Variants in KCNV2 observed in about 807,000 individuals in gnomAD.
KCNV2 encodes potassium voltage-gated channel modifier subfamily V member 2.
Under a neutral mutation model 37.0 loss-of-function variants are expected in KCNV2, and 65 were observed. That is an observed-to-expected ratio of 1.76 (90% CI 1.44 to 2.16). The LOEUF is 2.16. Among genes scored for constraint, KCNV2 ranks in the 30% most tolerant of loss-of-function variants. KCNV2 has a pLI of 0.00. For synonymous variants in KCNV2, 518 were observed against 328.6 expected, an observed-to-expected ratio of 1.58 and a Z score of -6.23; for missense variants, 1,232 against 766.7, an observed-to-expected ratio of 1.61 and a Z score of -7.17.
At chr9:2,721,972 T>C (rs1035202459) in intron 1 of KCNV2, among the ~76,000 whole-genome samples, 1 of 151,398 alleles carries the variant, frequency 6.6e-6, no homozygotes, top group Non-Finnish European at 1.5e-5. Context: ...TCATGCATCT[T>C]ATTTTTAAAA....
chr9:2,718,402 CGCGCAG>C lies in KCNV2; in HGVS notation c.671_676del (p.Ala224_Gln225del), dbSNP rs759818370. 1.2e-6 allele frequency: 2 copies of C among 1,602,214 alleles called. No individual in the cohort carries two copies. Among genetic ancestry groups the C allele is most frequent in the African/African-American group, 2.7e-5 (2 of 74,844 alleles). On this transcript the variant is annotated inframe_deletion, in exon 1 of 2. Transcript: ENST00000382082. ...GGCTCAAGATCCAGCACGAGCTGCGCGCGCAGGCGCAGGTCGAGGAGGCGGAGGAAC... is the reference window on the plus strand; with the variant it reads ...GGCTCAAGATCCAGCACGAGCTGCGCGCGCAGGTCGAGGAGGCGGAGGAAC...
Position 2,729,949 on chromosome 9 carries a change from T to A in KCNV2, c.*222T>A, listed in dbSNP as rs1247855091. On this transcript the variant is annotated 3_prime_UTR_variant, in exon 2 of 2. Transcript: ENST00000382082. ...GAAACATCTGACCTTCTCAATGACG[T>A]TGATATTGAAAACCTGAGGGGAGCA... 5.4e-6 allele frequency: 3 copies of A among 554,460 alleles called. No individual in the cohort carries two copies. In the African/African-American group the frequency reaches 5.6e-5, roughly 10 times the overall value. The allele number at this position is 554,460 out of a possible 1,614,324, so 34.3% of individuals were successfully genotyped here. A position where few individuals can be genotyped will look rare whatever the true frequency, so the allele number is the denominator to read the frequency against.
At position 2,717,548 on chromosome 9, in the gene KCNV2, C is replaced by A; in HGVS notation, c.-192C>A. The stretch of plus-strand genomic sequence containing the variant: ...GCTGACTGCGTTCAGACCCTGCAGG[C>A]TGGGCTGGCCTGCCCAGGACCTGAG... On this transcript the variant is annotated 5_prime_UTR_variant, in exon 1 of 2. It adds an upstream start codon to the 5' untranslated region. Transcript: ENST00000382082. 1.6e-6 allele frequency: 1 copy of A among 642,554 alleles called. No individual in the cohort carries two copies. The highest frequency in any genetic ancestry group is 2.7e-6 in the Non-Finnish European group (1 of 367,894). The allele number at this position is 642,554 out of a possible 1,614,324, so 39.8% of individuals were successfully genotyped here.
At chr9:2,722,393 G>GAAGTTATTTATAAAT (rs1251944953) in intron 1 of KCNV2, among the ~76,000 whole-genome samples, 11 of 133,292 alleles carry the variant, frequency 8.3e-5, no homozygotes, top group Non-Finnish European at 1.2e-4. Context: ...AAATAAATTA[G>GAAGTTATTTATAAAT]AAGTTATTTA....
Position 2,718,942 on chromosome 9 carries a change from C to A in KCNV2, c.1203C>A (p.Gly401=), listed in dbSNP as rs770511296. 6 of 1,609,708 alleles carry A rather than the reference C, an allele frequency of 3.7e-6. No individual in the cohort carries two copies. The highest frequency in any genetic ancestry group is 3.3e-5 in the South Asian group (3 of 91,090). ...ACTCCACCGGACTGCGTGCCTTCGGCTTCACGCTGCGCCAGTGCTACCAGC... is the reference window on the plus strand; with the variant it reads ...ACTCCACCGGACTGCGTGCCTTCGGATTCACGCTGCGCCAGTGCTACCAGC... ...ARHSTGLRAF[G]FTLRQCYQQV... Residue 401 remains glycine (G), a synonymous_variant, in exon 1 of 2, where the codon GGC becomes GGA. Coordinates refer to ENST00000382082, the MANE Select transcript of KCNV2 (RefSeq NM_133497.4).
intron 1 of KCNV2, among the ~76,000 whole-genome samples, chr9:2,726,712 G>A (rs1326111560): frequency 1.3e-5 from 2 of 152,102 alleles, no homozygotes; most frequent in Non-Finnish European, 2.9e-5. Flanking sequence ...CCAATCCCGG[G>A]CTGTGGAGTG....
At position 2,717,778 on chromosome 9, in the gene KCNV2, C is replaced by CA; in HGVS notation, c.40dup (p.Arg14LysfsTer9). ...GTGAGAGGAGACGGTCCTGGAGCTA[C>CA]AGGCCCTGGAACACGACGGAGAATG... is the stretch of plus-strand genomic sequence containing the variant. On this transcript the variant is annotated frameshift_variant, in exon 1 of 2. Transcript: ENST00000382082. LOFTEE classifies it high-confidence loss of function. 6.2e-7 allele frequency: 1 copy of CA among 1,614,236 alleles called. No individual in the cohort carries two copies. The highest frequency in any genetic ancestry group is 8.5e-7 in the Non-Finnish European group (1 of 1,180,032).
chr9:2,726,118 A>AG (rs1263813021), intron 1 of KCNV2, among the ~76,000 whole-genome samples: 2 of 152,148 alleles, frequency 1.3e-5, no homozygotes, highest in African/African-American at 4.8e-5. Flanking sequence ...TCATTCTGTG[A>AG]GGTCACTTGG....
chr9:2,717,771 G>T lies in KCNV2; in HGVS notation c.32G>T (p.Trp11Leu). Residue 11 changes from tryptophan to leucine, a missense_variant, in exon 1 of 2, where the codon TGG (tryptophan) becomes TTG (leucine). Transcript: ENST00000382082. ...AAACAGAGTGAGAGGAGACGGTCCT[G>T]GAGCTACAGGCCCTGGAACACGACG... MLKQSERRRS[W>L]SYRPWNTTEN... 6.2e-7 allele frequency: 1 copy of T among 1,614,216 alleles called. No homozygotes were observed. The highest frequency in any genetic ancestry group is 8.5e-7 in the Non-Finnish European group (1 of 1,180,028).
chr9:2,720,242 T>G (rs1819841211), intron 1 of KCNV2, among the ~76,000 whole-genome samples: 1 of 152,182 alleles, frequency 6.6e-6, no homozygotes, highest in South Asian at 2.1e-4. Flanking sequence ...ATAGAAGATT[T>G]AGAAAACCTG....
At position 2,729,928 on chromosome 9, in the gene KCNV2, C is replaced by T. The variant is rs1820041089; in HGVS notation, c.*201C>T. 3.3e-6 allele frequency: 2 copies of T among 598,844 alleles called. No individual in the cohort carries two copies. The highest frequency in any genetic ancestry group is 4.2e-5 in the South Asian group (2 of 47,742). 37.1% of individuals were successfully genotyped at this position (598,844 alleles called of 1,614,324 possible). A position where few individuals can be genotyped will look rare whatever the true frequency, so the allele number is the denominator to read the frequency against. ...CATAGTTGCTCTGTGTTGTGTGAAA[C>T]ATCTGACCTTCTCAATGACGTTGAT... On this transcript the variant is annotated 3_prime_UTR_variant, in exon 2 of 2. Transcript: ENST00000382082.
chr9:2,726,184 A>G (rs1342954125), intron 1 of KCNV2, among the ~76,000 whole-genome samples: 2 of 152,182 alleles, frequency 1.3e-5, no homozygotes. Flanking sequence ...GGCTTGGCCT[A>G]TGGAATGTGG....
In KCNV2 at chr9:2,718,404, C is replaced by A; in HGVS notation, c.665C>A (p.Ala222Glu). Reference sequence around the variant, plus strand: ...CTCAAGATCCAGCACGAGCTGCGCGCGCAGGCGCAGGTCGAGGAGGCGGAG... The same window carrying A: ...CTCAAGATCCAGCACGAGCTGCGCGAGCAGGCGCAGGTCGAGGAGGCGGAG... Reference protein sequence around the residue: ...ERLKIQHELRAQAQVEEAEEL... With the variant: ...ERLKIQHELREQAQVEEAEEL... Residue 222 changes from alanine to glutamate, a missense_variant, in exon 1 of 2, where the codon GCG becomes GAG. By Grantham distance (107) the Ala-to-Glu change is moderately radical (BLOSUM62 -1). Transcript: ENST00000382082. 6.2e-7 allele frequency: 1 copy of A among 1,602,380 alleles called. No homozygotes were observed. The highest frequency in any genetic ancestry group is 8.5e-7 in the Non-Finnish European group (1 of 1,175,508).
intron 1 of KCNV2, among the ~76,000 whole-genome samples, chr9:2,724,194 A>T (rs1185743952): frequency 6.6e-6 from 1 of 150,934 alleles, no homozygotes; most frequent in Non-Finnish European, 1.5e-5. Flanking sequence ...TCAAAAAGAA[A>T]ATTTATCTCT....
In KCNV2 at chr9:2,729,993, G is replaced by C. The variant is rs1048129374; in HGVS notation, c.*266G>C. 3 of 428,532 alleles carry C rather than the reference G, an allele frequency of 7.0e-6. No individual in the cohort carries two copies. Among genetic ancestry groups the C allele is most frequent in the African/African-American group, 5.9e-5 (3 of 50,662 alleles). 26.5% of individuals were successfully genotyped at this position (428,532 alleles called of 1,614,324 possible). ...GGGAGCAACAGCTTAGATTTTTCTT[G>C]TAGCTTCTCGTGGCATCTAGCTCAA... On this transcript the variant is annotated 3_prime_UTR_variant, in exon 2 of 2. Transcript: ENST00000382082.
rs200711754 is a variant in KCNV2 at position 2,718,203 on chromosome 9, C to A, written c.464C>A (p.Pro155Gln). 1 of 1,613,340 alleles carries A rather than the reference C, an allele frequency of 6.2e-7. No individual in the cohort carries two copies. Among genetic ancestry groups the A allele is most frequent in the Non-Finnish European group, 8.5e-7 (1 of 1,179,922 alleles). The change falls in exon 1 of 2, where the codon CCG (proline) becomes CAG (glutamine). Residue 155 changes from proline (P) to glutamine (Q), a missense_variant. Physicochemically the swap from Pro to Gln is moderately conservative, Grantham distance 76 (BLOSUM62 -1). Transcript: ENST00000382082. The part of the protein sequence containing the change: ...QTDEYFFDRD[P>Q]AVFQLVYNFY... Reference sequence around the variant, plus strand: ...GACGAATACTTCTTCGACCGCGACCCGGCCGTCTTCCAGCTGGTCTACAAT... The same window carrying A: ...GACGAATACTTCTTCGACCGCGACCAGGCCGTCTTCCAGCTGGTCTACAAT...
chr9:2,722,731 A>C (rs1289713511), intron 1 of KCNV2, among the ~76,000 whole-genome samples: 1 of 152,106 alleles, frequency 6.6e-6, no homozygotes, highest in Non-Finnish European at 1.5e-5. Context: ...TCATGAATTT[A>C]AAAGTCAGCG....
Position 2,719,137 on chromosome 9 carries a change from C to T in KCNV2, c.1356+42C>T, listed in dbSNP as rs369528480. The T allele has an allele frequency of 7.5e-4, 1,203 of 1,597,836 alleles. 2 individuals are homozygous for T. The highest frequency in any genetic ancestry group is 1.2e-3 in the Admixed American group (74 of 59,912). ...TGGGCTTTCCCATCCTCTTCCCCAG[C>T]CCAGTGAGCTGCTCCTCCCTCCCCT... On this transcript the variant is annotated intron_variant, in intron 1 of 1. Transcript: ENST00000382082.
In KCNV2 at chr9:2,719,058, A is replaced by C. The variant is rs764587081; in HGVS notation, c.1319A>C (p.Asn440Thr). Residue 440 changes from asparagine (N) to threonine (T), a missense_variant, in exon 1 of 2, where the codon AAC becomes ACC. Asn to Thr is a moderately conservative substitution (Grantham distance 65). Coordinates refer to ENST00000382082, the MANE Select transcript of KCNV2 (RefSeq NM_133497.4). ...YSVEHDVPST[N>T]FTTIPHSWWW... ...GTGGAGCACGATGTGCCCAGCACCA[A>C]CTTCACTACCATCCCCCACTCCTGG... 2 of 1,612,248 alleles carry C rather than the reference A, an allele frequency of 1.2e-6. No individual in the cohort carries two copies. Among genetic ancestry groups the C allele is most frequent in the South Asian group, 1.1e-5 (1 of 91,082 alleles).
Sources: allele counts gnomAD v4.1 joint callset (sites outside exome capture counted in the v4.1 genomes callset), GRCh38; gene constraint gnomAD v4.1.1; transcripts MANE v1.5; gene names NCBI Gene and HGNC (gene_info 2026-07-23, HGNC 2026-07-21).